SGSM2: variants seen among roughly 807,000 people sequenced by gnomAD.
SGSM2 encodes RUN and TBC1 domain containing 1.
A neutral mutation model predicts 126.6 loss-of-function variants in SGSM2; 89 were observed. The observed-to-expected ratio is 0.70, with a 90% CI of 0.59 to 0.84. The LOEUF is 0.84. SGSM2 is among the 40% of genes least tolerant of loss of function. The pLI is 0.00. For missense variants in SGSM2, 1,404 were observed against 1,416.6 expected, an observed-to-expected ratio of 0.99 and a Z score of 0.14; for synonymous variants, 614 against 574.3, an observed-to-expected ratio of 1.07 and a Z score of -0.99.
rs574024477 is a variant in SGSM2, at chr17:2,378,530, C to CA, written c.2900-493dup. On this transcript the variant is annotated intron_variant, in intron 22 of 23. Coordinates refer to ENST00000268989, the MANE Select transcript of SGSM2 (RefSeq NM_014853.3). ...TGGGCAACAGAGCCAGACTGTGTCT[C>CA]AAAAAAAAAAAAAGAAAAGAAAAGA... 3.8e-3 allele frequency among the ~76,000 whole-genome samples: 377 copies of CA among 99,916 alleles called. 1 individual carries two copies. Among genetic ancestry groups the CA allele is most frequent in the African/African-American group, 6.7e-3 (180 of 26,824 alleles). The allele number at this position is 99,916 out of a possible 152,430, so 65.5% of individuals were successfully genotyped here.
In SGSM2 at chr17:2,373,437, C is replaced by G. The variant is rs1472755882; in HGVS notation, c.2024C>G (p.Thr675Ser). ...CGGGAGGCCCACCCAGCCACACGCA[C>G]CAAGTTCTCCTCAGGCAGCAGCATC... ...REREAHPATRTKFSSGSSIDS... is the reference protein window; with the variant it reads ...REREAHPATRSKFSSGSSIDS... Residue 675 changes from threonine (T) to serine (S), a missense_variant, in exon 17 of 24, where the codon ACC (threonine) becomes AGC (serine). Physicochemically the swap from Thr to Ser is moderately conservative, Grantham distance 58 (BLOSUM62 1). Transcript: ENST00000268989. 1.1e-5 allele frequency: 17 copies of G among 1,611,174 alleles called. No homozygotes were observed. Among genetic ancestry groups the G allele is most frequent in the Non-Finnish European group, 1.4e-5 (16 of 1,179,946 alleles).
In SGSM2 at chr17:2,338,176, G is replaced by A. The variant is rs111661737; in HGVS notation, c.57+431G>A. Reference sequence around the variant, plus strand: ...CTTCCCCACGTCCTAAGTGGGTGTCGTGCGGGCTGAGCTCCCCCTTGTCCG... The same window carrying A: ...CTTCCCCACGTCCTAAGTGGGTGTCATGCGGGCTGAGCTCCCCCTTGTCCG... On this transcript the variant is annotated intron_variant, in intron 1 of 23. Coordinates refer to ENST00000268989, the MANE Select transcript of SGSM2 (RefSeq NM_014853.3). Among the ~76,000 whole-genome samples the A allele has an allele frequency of 1.3e-3, 205 of 152,274 alleles. 3 individuals carry two copies. Among genetic ancestry groups the A allele is most frequent in the African/African-American group, 4.5e-3 (188 of 41,572 alleles).
chr17:2,353,487 G>A (rs533771793), intron 2 of SGSM2, among the ~76,000 whole-genome samples: 3 of 152,288 alleles, frequency 2.0e-5, no homozygotes, highest in African/African-American at 7.2e-5. Flanking sequence ...GTGGGGCCGG[G>A]CACATTGGCT....
chr17:2,367,488 A>G lies in SGSM2; in HGVS notation c.1423+83A>G. ...CCTGCCACCCACCACAGGGGTTCGA[A>G]CGGCAGTGTTGGCATTAGGGGACTT... On this transcript the variant is annotated intron_variant, in intron 12 of 23. Transcript: ENST00000268989. The surrounding 1 kb of genome is among the most constrained non-coding windows in gnomAD (Gnocchi z 4.0). The G allele has an allele frequency of 6.7e-7, 1 of 1,491,210 alleles. No individual in the cohort carries two copies. The highest frequency in any genetic ancestry group is 9.1e-7 in the Non-Finnish European group (1 of 1,094,428). The allele number at this position is 1,491,210 out of a possible 1,614,324, so 92.4% of individuals were successfully genotyped here.
chr17:2,354,490 C>G (rs899456507), intron 2 of SGSM2, among the ~76,000 whole-genome samples: 1 of 152,228 alleles, frequency 6.6e-6, no homozygotes, highest in Non-Finnish European at 1.5e-5. Context: ...CATCCTCATT[C>G]TTTTTCAGAG....
At chr17:2,377,241 T>G (rs1290647627) in intron 21 of SGSM2, 173 bp downstream of exon 21, 2 of 568,204 alleles carry the variant, frequency 3.5e-6, no homozygotes. Context: ...ATCCCAGCAA[T>G]TTAGGAGGCC....
At position 2,373,372 on chromosome 17, in the gene SGSM2, A is replaced by G; in HGVS notation, c.1959A>G (p.Ala653=). ...VVAARYQQVL[A]EWKACEVVVR... ...CAGCAAGGTACCAGCAGGTGTTGGC[A>G]GAGTGGAAGGCCTGCGAGGTGGTGG... is the stretch of plus-strand genomic sequence containing the variant. Residue 653 remains alanine (A), a synonymous_variant, in exon 17 of 24, where the codon GCA becomes GCG. Transcript: ENST00000268989. The G allele has an allele frequency of 6.2e-7, 1 of 1,613,066 alleles. No individual in the cohort carries two copies.
At chr17:2,376,906 GCT>G in intron 20 of SGSM2, 51 bp from the exon 21 acceptor site, 1 of 1,600,738 alleles carries the variant, frequency 6.2e-7, no homozygotes, top group South Asian at 1.1e-5. Context: ...ATGGGAGCCG[GCT>G]CTGTCCCCTG....
Position 2,364,928 on chromosome 17 carries a change from G to C in SGSM2, c.1032G>C (p.Gln344His), listed in dbSNP as rs369793848. ...KSGGTLVLVS[Q>H]DGIQRPPLHF... The stretch of plus-strand genomic sequence containing the variant: ...GTGGCACGCTTGTGCTGGTGAGCCA[G>C]GATGGCATCCAGAGGCCGCCGCTGC... Residue 344 changes from glutamine (Q) to histidine (H), a missense_variant, in exon 10 of 24, where the codon CAG becomes CAC. Transcript: ENST00000268989. 8.1e-6 allele frequency: 13 copies of C among 1,612,070 alleles called. No homozygotes were observed. In the African/African-American group the frequency reaches 1.7e-4, roughly 22 times the overall value.
At chr17:2,343,867 C>G (rs2064479864) in intron 2 of SGSM2, among the ~76,000 whole-genome samples, 1 of 152,190 alleles carries the variant, frequency 6.6e-6, no homozygotes, top group Non-Finnish European at 1.5e-5. Flanking sequence ...TAGCATGTAT[C>G]AGAGTCACCT....
Position 2,363,173 on chromosome 17 carries a change from T to C in SGSM2, c.672+39T>C, listed in dbSNP as rs1368052571. 5.1e-6 allele frequency: 8 copies of C among 1,556,208 alleles called. No homozygotes were observed. In the South Asian group the frequency reaches 9.3e-5, roughly 18 times the overall value. On this transcript the variant is annotated intron_variant, in intron 6 of 23. Transcript: ENST00000268989. This position sits in a 1 kb window ranked among gnomAD's most constrained non-coding sequence, Gnocchi z 4.2. ...CCCCACCCTTTGGGCTCATCTGGGC[T>C]ATGCCCATGGGCCTGTAGGGACGGG...
rs775767374 is a variant in SGSM2, at chr17:2,367,336, G to A, written c.1354G>A (p.Glu452Lys). Residue 452 changes from glutamate (E) to lysine (K), a missense_variant, in exon 12 of 24, where the codon GAG becomes AAG. Physicochemically the swap from Glu to Lys is moderately conservative, Grantham distance 56 (BLOSUM62 1). Transcript: ENST00000268989. This position sits in a 1 kb window ranked among gnomAD's most constrained non-coding sequence, Gnocchi z 4.0. ...CTCGGTGGACGATGATGAGGAAGAG[G>A]AGGATAAACTGCACGCGATGCTCTC... ...AASVDDDEEEEDKLHAMLSMI... is the reference protein window; with the variant it reads ...AASVDDDEEEKDKLHAMLSMI... 8.1e-6 allele frequency: 13 copies of A among 1,614,028 alleles called. No homozygotes were observed. Among genetic ancestry groups the A allele is most frequent in the Non-Finnish European group, 1.1e-5 (13 of 1,180,024 alleles).
At chr17:2,347,597 A>G (rs1179471769) in intron 2 of SGSM2, among the ~76,000 whole-genome samples, 1 of 149,860 alleles carries the variant, frequency 6.7e-6, no homozygotes, top group South Asian at 2.1e-4. Flanking sequence ...ATAGGCTGGT[A>G]TCTCCTGTCG....
chr17:2,372,891 T>C lies in SGSM2; in HGVS notation c.1789-62T>C. The stretch of plus-strand genomic sequence containing the variant: ...CAGCCCATTCTCCGTGGGATGGGGC[T>C]CACCCAGCTGGGCCACGGTGACTGT... On this transcript the variant is annotated intron_variant, in intron 15 of 23. Coordinates refer to ENST00000268989, the MANE Select transcript of SGSM2 (RefSeq NM_014853.3). The surrounding 1 kb of genome is among the most constrained non-coding windows in gnomAD (Gnocchi z 6.0). 2 of 1,535,716 alleles carry C rather than the reference T, an allele frequency of 1.3e-6. No individual in the cohort carries two copies. The highest frequency in any genetic ancestry group is 1.4e-5 in the African/African-American group (1 of 72,892).
intron 2 of SGSM2, among the ~76,000 whole-genome samples, chr17:2,354,253 T>A (rs1189657409): frequency 1.7e-5 from 2 of 115,900 alleles, no homozygotes; most frequent in Non-Finnish European, 1.9e-5. Context: ...TTTCACTATG[T>A]TACCCAGGAT....
chr17:2,375,321 G>C, intron 17 of SGSM2, 171 bp from the exon 18 acceptor site: 3 of 752,638 alleles, frequency 4.0e-6, no homozygotes, highest in Non-Finnish European at 6.1e-6. Context: ...TCTCCGCCTG[G>C]CTGGCTGGGT....
In SGSM2 at chr17:2,380,242, C is replaced by T. The variant is rs2066356917; in HGVS notation, c.*722C>T. 6.5e-7 allele frequency: 1 copy of T among 1,535,876 alleles called. No individual in the cohort carries two copies. Among genetic ancestry groups the T allele is most frequent in the Non-Finnish European group, 8.7e-7 (1 of 1,146,838 alleles). On this transcript the variant is annotated 3_prime_UTR_variant, in exon 24 of 24. Transcript: ENST00000268989. ...ATCTGTACAGCCTCGCTCCTGCCAC[C>T]CCACCCTTGCGTTCTGCATTAGGTA... is the stretch of plus-strand genomic sequence containing the variant.
intron 22 of SGSM2, among the ~76,000 whole-genome samples, chr17:2,378,453 G>A (rs975022429): frequency 1.3e-5 from 2 of 151,512 alleles, no homozygotes; most frequent in Admixed American, 6.6e-5. Flanking sequence ...GCGGGTGCCT[G>A]TAGTGGAGGC....
intron 1 of SGSM2, among the ~76,000 whole-genome samples, chr17:2,342,001 G>A (rs899411990): frequency 1.8e-4 from 27 of 152,224 alleles, no homozygotes; most frequent in Non-Finnish European, 3.2e-4. Context: ...TACACAACGC[G>A]CACGGAGAAT....
Sources: allele counts gnomAD v4.1 joint callset (sites outside exome capture counted in the v4.1 genomes callset), GRCh38; gene constraint gnomAD v4.1.1; non-coding constraint Gnocchi (gnomAD v3.1); transcripts MANE v1.5; gene names NCBI Gene and HGNC (gene_info 2026-07-23, HGNC 2026-07-21).